Variants in STAU2 observed in about 807,000 individuals in gnomAD.
STAU2 encodes staufen double-stranded RNA binding protein 2.
In STAU2, 20 loss-of-function variants were observed where a neutral mutation model predicts 65.9. The ratio of observed to expected loss-of-function variants is 0.30; its 90% CI spans 0.21 to 0.44. The LOEUF (loss-of-function observed/expected upper bound fraction) is 0.44. Among genes scored for constraint, STAU2 ranks in the 20% least tolerant of loss-of-function variants. STAU2 has a pLI of 1.00. For synonymous variants in STAU2, 232 were observed against 233.9 expected (o/e 0.99, Z 0.07); for missense variants, 558 against 683.9 (o/e 0.82, Z 2.05).
intron 1 of STAU2, among the ~76,000 whole-genome samples, chr8:73,741,537 G>C (rs1586394900): frequency 6.7e-6 from 1 of 150,294 alleles, no homozygotes; most frequent in East Asian, 2.0e-4. Context: ...TTTTGAGACG[G>C]AGTCTTGCCC....
At chr8:73,565,568 T>G (rs1384598765) in intron 12 of STAU2, among the ~76,000 whole-genome samples, 2 of 152,184 alleles carry the variant, frequency 1.3e-5, no homozygotes, top group Admixed American at 1.3e-4. Context: ...TATTTGTTAT[T>G]GTTTGTTTTT....
intron 12 of STAU2, among the ~76,000 whole-genome samples, chr8:73,582,370 A>T (rs1266237910): frequency 1.3e-5 from 2 of 151,212 alleles, no homozygotes; most frequent in Admixed American, 6.6e-5. Flanking sequence ...AATAATTGGA[A>T]CTTTGAAAGT....
Position 73,620,147 on chromosome 8 carries a change from C to T in STAU2, c.411-2696G>A, listed in dbSNP as rs552313793. ...AAATCTGACAGACTAATATGAATAACGCCGGTCATCTTCACTTCATATTTC... is the reference window on the plus strand; with the variant it reads ...AAATCTGACAGACTAATATGAATAATGCCGGTCATCTTCACTTCATATTTC... On this transcript the variant is annotated intron_variant, in intron 6 of 14. Transcript: ENST00000524300. Among the ~76,000 whole-genome samples the T allele has an allele frequency of 1.2e-4, 18 of 152,158 alleles. 1 individual carries two copies. The South Asian group carries it at 3.1e-3, about 26-fold the overall frequency.
intron 4 of STAU2, among the ~76,000 whole-genome samples, chr8:73,698,421 G>GAC (rs1226350069): frequency 1.3e-5 from 2 of 152,112 alleles, no homozygotes; most frequent in Non-Finnish European, 2.9e-5. Context: ...CACCTATGAA[G>GAC]ACACACACAG....
At chr8:73,625,910 G>T (rs1442164184) in intron 6 of STAU2, among the ~76,000 whole-genome samples, 2 of 152,066 alleles carry the variant, frequency 1.3e-5, no homozygotes, top group African/African-American at 4.8e-5. Flanking sequence ...GGATGTTACT[G>T]ACCTGGTCTT....
At chr8:73,598,610 C>T (rs1021901183) in intron 10 of STAU2, among the ~76,000 whole-genome samples, 12 of 151,926 alleles carry the variant, frequency 7.9e-5, no homozygotes, top group South Asian at 2.1e-4. Flanking sequence ...TAATGTTGAA[C>T]GAAACTAATT....
intron 5 of STAU2, among the ~76,000 whole-genome samples, chr8:73,686,367 A>T (rs1818817914): frequency 6.6e-6 from 1 of 151,990 alleles, no homozygotes; most frequent in African/African-American, 2.4e-5. Flanking sequence ...TGGCTAACAC[A>T]GTGAAACCCC....
chr8:73,519,074 C>T (rs1024621240), intron 13 of STAU2, among the ~76,000 whole-genome samples: 5 of 152,112 alleles, frequency 3.3e-5, no homozygotes, highest in African/African-American at 1.2e-4. Context: ...TTGGCAGCTC[C>T]AGGACCTCCT....
chr8:73,674,804 C>T (rs529164075), intron 5 of STAU2, among the ~76,000 whole-genome samples: 4 of 151,716 alleles, frequency 2.6e-5, no homozygotes, highest in African/African-American at 9.7e-5. Flanking sequence ...AACACACTAC[C>T]TAAAACCCTG....
chr8:73,644,240 TATATC>T (rs1815194153), intron 6 of STAU2, among the ~76,000 whole-genome samples: 1 of 152,018 alleles, frequency 6.6e-6, no homozygotes, highest in South Asian at 2.1e-4. Flanking sequence ...TAAAATACAA[TATATC>T]AAAATTTGTG....
At chr8:73,583,136 GA>G (rs1487642140) in intron 11 of STAU2, among the ~76,000 whole-genome samples, 1 of 149,420 alleles carries the variant, frequency 6.7e-6, no homozygotes, top group East Asian at 1.9e-4. Context: ...GCTAGGTGGT[GA>G]AAAAAATAAA....
chr8:73,510,637 C>T (rs1178436640), intron 13 of STAU2, among the ~76,000 whole-genome samples: 2 of 152,136 alleles, frequency 1.3e-5, no homozygotes, highest in Non-Finnish European at 2.9e-5. Flanking sequence ...ACTTCAATCA[C>T]GGCGGAAGGG....
chr8:73,577,376 A>G (rs1280269586), intron 12 of STAU2, among the ~76,000 whole-genome samples: 2 of 151,344 alleles, frequency 1.3e-5, no homozygotes, highest in Non-Finnish European at 2.9e-5. Context: ...GCAGTGAGCC[A>G]AGATTGCGCC....
chr8:73,524,765 C>T (rs1419915222), intron 13 of STAU2, among the ~76,000 whole-genome samples: 2 of 152,098 alleles, frequency 1.3e-5, no homozygotes, highest in Non-Finnish European at 2.9e-5. Flanking sequence ...TGAATAGAAA[C>T]TTTAAAAAAA....
rs572529295 is a variant in STAU2, at chr8:73,542,305, C to T, written c.1530+9707G>A. ...GGAAAAAAATAAATTTCAACTCTTA[C>T]CCCATACCATACATTAAAAATTAAC... On this transcript the variant is annotated intron_variant, in intron 13 of 14. Transcript: ENST00000524300. 2.0e-5 allele frequency among the ~76,000 whole-genome samples: 3 copies of T among 152,228 alleles called. No homozygotes were observed. The South Asian group carries it at 6.2e-4, about 32-fold the overall frequency.
At chr8:73,588,316 A>G (rs920715188) in intron 11 of STAU2, among the ~76,000 whole-genome samples, 5 of 152,242 alleles carry the variant, frequency 3.3e-5, no homozygotes, top group African/African-American at 1.2e-4. Flanking sequence ...AATGTAAGTA[A>G]GAAGAAAGTA....
intron 3 of STAU2, among the ~76,000 whole-genome samples, chr8:73,737,779 C>T (rs1338545753): frequency 6.6e-6 from 1 of 151,588 alleles, no homozygotes; most frequent in Non-Finnish European, 1.5e-5. Flanking sequence ...GTATAAAGTT[C>T]TTGGAGAAAC....
chr8:73,722,898 A>C (rs1356647676), intron 3 of STAU2, among the ~76,000 whole-genome samples: 1 of 152,196 alleles, frequency 6.6e-6, no homozygotes, highest in Non-Finnish European at 1.5e-5. Flanking sequence ...CTAATACCAA[A>C]ACACTTCTAA....
intron 10 of STAU2, among the ~76,000 whole-genome samples, chr8:73,602,477 A>AAGGATCACTTGAGAG (rs1811705760): frequency 6.6e-6 from 1 of 152,236 alleles, no homozygotes. Flanking sequence ...GAGAGGCTGA[A>AAGGATCACTTGAGAG]GCAGGAGGAT....
Sources: allele counts gnomAD v4.1 joint callset (sites outside exome capture counted in the v4.1 genomes callset), GRCh38; gene constraint gnomAD v4.1.1; transcripts MANE v1.5; gene names NCBI Gene and HGNC (gene_info 2026-07-23, HGNC 2026-07-21).